SORD: variants seen among roughly 807,000 people sequenced by gnomAD.
SORD encodes (R,R)-butanediol dehydrogenase.
A neutral mutation model predicts 35.6 loss-of-function variants in SORD; 18 were observed. The observed-to-expected ratio is 0.51, with a 90% confidence interval of 0.35 to 0.75. The LOEUF (loss-of-function observed/expected upper bound fraction) is 0.75. SORD is among the 30% of genes least tolerant of loss of function. SORD has a pLI of 0.01. For synonymous variants in SORD, 106 were observed against 152.9 expected (o/e 0.69, Z 2.26); for missense variants, 250 against 390.2 (o/e 0.64, Z 3.03).
At chr15:45,036,453 A>C (rs1892868045) in intron 1 of SORD, 3 of 412,622 alleles carry the variant, frequency 7.3e-6, no homozygotes, top group Non-Finnish European at 1.4e-5. Flanking sequence ...GCACTTTGGG[A>C]GGCAGAGGCA....
rs185301970 is a variant in SORD at position 45,037,474 on chromosome 15, G to A, written c.67-2934G>A. Among the ~76,000 whole-genome samples, 15 of 152,304 alleles carry A rather than the reference G, an allele frequency of 9.8e-5. No homozygotes were observed. In the South Asian group the frequency reaches 1.4e-3, roughly 15 times the overall value. On this transcript the variant is annotated intron_variant, in intron 1 of 8. Coordinates refer to ENST00000267814, the MANE Select transcript of SORD (RefSeq NM_003104.6). ...GAGGCAAGGCTATGAATTGTATGCT[G>A]TGGAACTGTCTTTCAGTGTCTGTGA...
At chr15:45,030,527 T>A (rs900825178) in intron 1 of SORD, among the ~76,000 whole-genome samples, 17 of 152,338 alleles carry the variant, frequency 1.1e-4, no homozygotes, top group East Asian at 3.9e-4. Context: ...TCAACAATTT[T>A]AAAAAACACA....
At chr15:45,067,106 A>C (rs1893419110) in intron 5 of SORD, among the ~76,000 whole-genome samples, 2 of 152,196 alleles carry the variant, frequency 1.3e-5, no homozygotes, top group East Asian at 3.8e-4. Context: ...TCATGCCTGT[A>C]ATCCTAGCAC....
chr15:45,048,646 T>A (rs563269822), intron 3 of SORD, among the ~76,000 whole-genome samples: 2 of 152,176 alleles, frequency 1.3e-5, no homozygotes, highest in Non-Finnish European at 2.9e-5. Context: ...AGGGTCAACA[T>A]AGCAATCTCA....
intron 1 of SORD, among the ~76,000 whole-genome samples, chr15:45,029,712 C>G (rs948080215): frequency 6.6e-6 from 1 of 152,204 alleles, no homozygotes; most frequent in African/African-American, 2.4e-5. Context: ...TGTCCAGTGT[C>G]CAAGAAGAAT....
intron 3 of SORD, among the ~76,000 whole-genome samples, chr15:45,057,252 A>G (rs1469643809): frequency 6.6e-6 from 1 of 152,136 alleles, no homozygotes; most frequent in African/African-American, 2.4e-5. Context: ...ACAAAAACCC[A>G]TGTATTTAAC....
intron 3 of SORD, among the ~76,000 whole-genome samples, chr15:45,053,696 A>G (rs1028316642): frequency 6.6e-6 from 1 of 151,016 alleles, no homozygotes; most frequent in African/African-American, 2.4e-5. Flanking sequence ...CACAATGTGC[A>G]GGTTAGTTAC....
intron 3 of SORD, among the ~76,000 whole-genome samples, chr15:45,045,162 A>T (rs1893026628): frequency 6.6e-6 from 1 of 152,316 alleles, no homozygotes; most frequent in East Asian, 1.9e-4. Flanking sequence ...GCTCAGAACC[A>T]CTGGGCTACC....
intron 3 of SORD, among the ~76,000 whole-genome samples, chr15:45,059,166 T>C (rs71480277): frequency 0.062 from 9,412 of 152,096 alleles, 361 homozygotes; most frequent in South Asian, 0.1. Flanking sequence ...TGAAAGAATT[T>C]CACCGAGGAC....
chr15:45,071,819 A>G (rs1595510930), intron 7 of SORD, among the ~76,000 whole-genome samples: 1 of 112,718 alleles, frequency 8.9e-6, no homozygotes, highest in Non-Finnish European at 1.9e-5. Flanking sequence ...AAGATTTCTA[A>G]CTGCCAGCCT....
rs371836041 is a variant in SORD at position 45,025,417 on chromosome 15, C to T, written c.66+2068C>T. Reference sequence around the variant, plus strand: ...CTTTGAAAGGCCAAGGTAGGCAGATCGCTTGAGGTCTGGAGTTTGAGACCA... The same window carrying T: ...CTTTGAAAGGCCAAGGTAGGCAGATTGCTTGAGGTCTGGAGTTTGAGACCA... On this transcript the variant is annotated intron_variant, in intron 1 of 8. Coordinates refer to ENST00000267814, the MANE Select transcript of SORD (RefSeq NM_003104.6). Among the ~76,000 whole-genome samples, 8 of 152,076 alleles carry T rather than the reference C, an allele frequency of 5.3e-5. No individual in the cohort carries two copies. The South Asian group carries it at 1.7e-3, about 32-fold the overall frequency.
intron 7 of SORD, among the ~76,000 whole-genome samples, chr15:45,071,546 A>C (rs943505901): frequency 1.4e-4 from 21 of 152,168 alleles, no homozygotes; most frequent in African/African-American, 4.8e-4. Flanking sequence ...TGGTCCCAAT[A>C]AATGCTTGCT....
At chr15:45,069,608 A>G (rs1049581819) in intron 7 of SORD, among the ~76,000 whole-genome samples, 5 of 152,098 alleles carry the variant, frequency 3.3e-5, no homozygotes, top group Non-Finnish European at 7.4e-5. Flanking sequence ...GAAAAATGTT[A>G]AGGACACACA....
At chr15:45,056,552 C>G (rs1456538082) in intron 3 of SORD, among the ~76,000 whole-genome samples, 4 of 152,132 alleles carry the variant, frequency 2.6e-5, no homozygotes, top group Admixed American at 1.3e-4. Flanking sequence ...GTGAAAATGG[C>G]CATACTGCCC....
At chr15:45,051,631 A>T (rs2470657) in intron 3 of SORD, among the ~76,000 whole-genome samples, 2 of 152,220 alleles carry the variant, frequency 1.3e-5, no homozygotes, top group Admixed American at 1.3e-4. Flanking sequence ...TTAGCTTCCA[A>T]ACAATCTGTC....
At chr15:45,042,578 A>G (rs1231333049) in intron 2 of SORD, 1 of 152,256 alleles carries the variant, frequency 6.6e-6, no homozygotes, top group Non-Finnish European at 1.5e-5. Context: ...AGTTCACAAA[A>G]TGTTGCCAAG....
intron 4 of SORD, among the ~76,000 whole-genome samples, chr15:45,061,753 C>T (rs1893313629): frequency 6.6e-6 from 1 of 152,026 alleles, no homozygotes; most frequent in African/African-American, 2.4e-5. Flanking sequence ...CCTGTAGTCC[C>T]AGCTACTTGG....
chr15:45,040,546 T>C, intron 2 of SORD, 105 bp downstream of exon 2: 1 of 879,860 alleles, frequency 1.1e-6, no homozygotes, highest in Non-Finnish European at 1.9e-6. Context: ...TGTTTATTAC[T>C]TTTGCATCCA....
rs956359772 is a variant in SORD at position 45,065,128 on chromosome 15, G to T, written c.426-143G>T. 4.9e-5 allele frequency: 33 copies of T among 667,470 alleles called. No homozygotes were observed. In the African/African-American group the frequency reaches 6.0e-4, roughly 12 times the overall value. The allele number at this position is 667,470 out of a possible 1,614,324, so 41.3% of individuals were successfully genotyped here. ...TTACGTGAGTTAATGTATATAAATT[G>T]CTTAGCACATTGCTCTGCACATAAA... On this transcript the variant is annotated intron_variant, in intron 4 of 8. Coordinates refer to ENST00000267814, the MANE Select transcript of SORD (RefSeq NM_003104.6).
Sources: allele counts gnomAD v4.1 joint callset (sites outside exome capture counted in the v4.1 genomes callset), GRCh38; gene constraint gnomAD v4.1.1; transcripts MANE v1.5; gene names NCBI Gene and HGNC (gene_info 2026-07-23, HGNC 2026-07-21).